The following TTC39B variants were observed in gnomAD, a reference collection of about 807,000 sequenced individuals.
TTC39B encodes tetratricopeptide repeat domain 39B, also known as tetratricopeptide repeat protein 39B.
Under a neutral mutation model 96.6 loss-of-function variants are expected in TTC39B, and 92 were observed. The observed-to-expected ratio is 0.95, with a 90% confidence interval of 0.80 to 1.13. The LOEUF is 1.13. Ranked by LOEUF, TTC39B falls within the 50% of genes most tolerant of loss-of-function variation. The pLI is 0.00. For missense variants in TTC39B, 955 were observed against 809.3 expected, an observed-to-expected ratio of 1.18 and a Z score of -2.18; for synonymous variants, 367 against 299.4, an observed-to-expected ratio of 1.23 and a Z score of -2.33.
Position 15,301,134 on chromosome 9 carries a change from C to G in TTC39B, c.240+5950G>C, listed in dbSNP as rs187874795. On this transcript the variant is annotated intron_variant, in intron 1 of 19. Coordinates refer to ENST00000512701, the Ensembl canonical transcript of TTC39B. Reference sequence around the variant, plus strand: ...CACAATCCCACTTGCCCTTTGAAACCTAGTTCAAATACCATCTCTCCTTTC... The same window carrying G: ...CACAATCCCACTTGCCCTTTGAAACGTAGTTCAAATACCATCTCTCCTTTC... Among the ~76,000 whole-genome samples, 573 of 152,254 alleles carry G rather than the reference C, an allele frequency of 3.8e-3. 4 individuals carry two copies. Among genetic ancestry groups the G allele is most frequent in the African/African-American group, 0.013 (522 of 41,552 alleles).
chr9:15,289,403 A>G (rs548612333), intron 1 of TTC39B, among the ~76,000 whole-genome samples: 29 of 152,374 alleles, frequency 1.9e-4, no homozygotes, highest in South Asian at 1.4e-3. Flanking sequence ...TAATGGATGC[A>G]AATAAGTATT....
chr9:15,253,872 T>C (rs1172990250), intron 2 of TTC39B, among the ~76,000 whole-genome samples: 5 of 152,148 alleles, frequency 3.3e-5, no homozygotes, highest in African/African-American at 1.2e-4. Flanking sequence ...CTCTTAATAT[T>C]TAAACAATAA....
At chr9:15,169,010 G>C (rs951505567) in exon 20 of TTC39B, 1 of 152,104 alleles carries the variant, frequency 6.6e-6, no homozygotes, top group African/African-American at 2.4e-5. Flanking sequence ...GAATCATAGA[G>C]TGACCTCAAA....
chr9:15,248,306 G>T (rs138721310), intron 2 of TTC39B, among the ~76,000 whole-genome samples: 9 of 152,254 alleles, frequency 5.9e-5, no homozygotes, highest in African/African-American at 1.9e-4. Flanking sequence ...CATGCTTGCT[G>T]AACCAGTTAA....
chr9:15,171,904 A>G (rs1817680751), exon 20 of TTC39B: 1 of 718,052 alleles, frequency 1.4e-6, no homozygotes, highest in South Asian at 2.8e-5. Context: ...TATTGACCAA[A>G]AAAACTGTTT....
rs377499146 is a variant in TTC39B at position 15,194,860 on chromosome 9, C to G, written c.825-2165G>C. Among the ~76,000 whole-genome samples the G allele has an allele frequency of 5.4e-4, 82 of 152,304 alleles. 2 individuals are homozygous for G. Among genetic ancestry groups the G allele is most frequent in the African/African-American group, 1.9e-3 (78 of 41,556 alleles). On this transcript the variant is annotated intron_variant, in intron 8 of 19. Coordinates refer to ENST00000512701, the Ensembl canonical transcript of TTC39B. Reference sequence around the variant, plus strand: ...GTGTTCTGACTGCTCTACTGATAGGCTGTTCCTCCATCTCTCTCCTCCTCA... The same window carrying G: ...GTGTTCTGACTGCTCTACTGATAGGGTGTTCCTCCATCTCTCTCCTCCTCA...
chr9:15,210,696 G>A (rs1820145516), intron 5 of TTC39B, among the ~76,000 whole-genome samples: 2 of 152,062 alleles, frequency 1.3e-5, no homozygotes, highest in African/African-American at 4.8e-5. Flanking sequence ...GCCATTCCTG[G>A]ATTCTTGAAT....
At chr9:15,203,364 C>T (rs1481155518) in intron 7 of TTC39B, among the ~76,000 whole-genome samples, 1 of 152,102 alleles carries the variant, frequency 6.6e-6, no homozygotes, top group Non-Finnish European at 1.5e-5. Context: ...GATTTTCCTG[C>T]CTCAGCCTCC....
intron 8 of TTC39B, among the ~76,000 whole-genome samples, chr9:15,197,036 G>C (rs1819210790): frequency 1.3e-5 from 2 of 152,240 alleles, no homozygotes; most frequent in Non-Finnish European, 1.5e-5. Flanking sequence ...TAGCAAAAAA[G>C]TGTTTATCAA....
intron 3 of TTC39B, among the ~76,000 whole-genome samples, chr9:15,217,102 G>C (rs1820564142): frequency 6.6e-6 from 1 of 152,170 alleles, no homozygotes. Flanking sequence ...GCAAGGCAGA[G>C]AATGAGAGAA....
At chr9:15,218,632 T>TAAAAAAAAAAATATATATATATATATATA (rs545882970) in intron 3 of TTC39B, among the ~76,000 whole-genome samples, 1 of 105,110 alleles carries the variant, frequency 9.5e-6, no homozygotes, top group African/African-American at 3.6e-5. Context: ...TTAGTCTATT[T>TAAAAAAAAAAATATATATATATATATATA]TAAATATATA....
chr9:15,186,711 G>C (rs1303976872), intron 15 of TTC39B: 7 of 357,952 alleles, frequency 2.0e-5, no homozygotes, highest in South Asian at 6.3e-5. Flanking sequence ...TTTTTTTGGA[G>C]ACAGAGTCTC....
exon 20 of TTC39B, chr9:15,171,083 G>A (rs931892938): frequency 4.6e-5 from 7 of 152,162 alleles, no homozygotes; most frequent in Admixed American, 3.3e-4. Flanking sequence ...TCTATGCCCT[G>A]ATTCTGTTTC....
chr9:15,271,419 C>T (rs914278809), intron 1 of TTC39B, among the ~76,000 whole-genome samples: 1 of 152,170 alleles, frequency 6.6e-6, no homozygotes, highest in Non-Finnish European at 1.5e-5. Context: ...TCATGGGAGA[C>T]AATTTTTCCA....
intron 1 of TTC39B, among the ~76,000 whole-genome samples, chr9:15,285,313 G>A (rs919755523): frequency 1.1e-4 from 16 of 150,752 alleles, no homozygotes; most frequent in Non-Finnish European, 1.8e-4. Flanking sequence ...CAGTGTATTT[G>A]TTTGTTTACT....
At chr9:15,254,795 A>G (rs923890631) in intron 2 of TTC39B, among the ~76,000 whole-genome samples, 26 of 151,790 alleles carry the variant, frequency 1.7e-4, no homozygotes, top group Admixed American at 2.6e-4. Flanking sequence ...AGAATCCCTT[A>G]AGCCAATGGG....
In TTC39B at chr9:15,305,870, C is replaced by G. The variant is rs1425582340; in HGVS notation, c.240+1214G>C. ...CTAAGCACAGCAAATCTCCTACAAA[C>G]AGATCGGGATTCAAATATTTCATTC... On this transcript the variant is annotated intron_variant, in intron 1 of 19. Coordinates refer to ENST00000512701, the Ensembl canonical transcript of TTC39B. 6.6e-5 allele frequency among the ~76,000 whole-genome samples: 10 copies of G among 151,968 alleles called. No individual in the cohort carries two copies. In the East Asian group the frequency reaches 9.6e-4, roughly 15 times the overall value.
intron 2 of TTC39B, chr9:15,249,713 G>C (rs975448640): frequency 2.2e-5 from 5 of 229,304 alleles, no homozygotes; most frequent in Non-Finnish European, 4.0e-5. Context: ...AAAGGTTGGG[G>C]GGAGGGTCAG....
chr9:15,210,552 A>T (rs751124986), intron 5 of TTC39B, among the ~76,000 whole-genome samples: 3 of 152,246 alleles, frequency 2.0e-5, no homozygotes, highest in Non-Finnish European at 4.4e-5. Context: ...ACACAATTAC[A>T]TCAGGATGTA....
Sources: gnomAD v4.1 joint callset for allele counts (sites outside exome capture counted in the v4.1 genomes callset) on GRCh38, gnomAD v4.1.1 for gene constraint, MANE v1.5 for transcripts, NCBI Gene and HGNC (gene_info 2026-07-23, HGNC 2026-07-21) for gene names.